The following KIRREL3 variants were observed in gnomAD, a reference collection of about 807,000 sequenced individuals.
KIRREL3 encodes the protein kirre like nephrin family adhesion molecule 3.
KIRREL3 carries 36 observed loss-of-function variants against 89.7 expected under a neutral mutation model. That is an observed-to-expected ratio of 0.40 (90% confidence interval 0.31 to 0.53). The LOEUF is 0.53. KIRREL3 is among the 20% of genes least tolerant of loss of function. KIRREL3 has a pLI of 0.49. For synonymous variants in KIRREL3, 445 were observed against 441.4 expected (o/e 1.01, Z -0.10); for missense variants, 864 against 1,056.6 (o/e 0.82, Z 2.53).
rs1555192191 is a variant in KIRREL3, at chr11:126,771,486, G to A, written c.56-208574C>T. On this transcript the variant is annotated intron_variant, in intron 1 of 16. Transcript: ENST00000525144. The surrounding 1 kb of genome is among the most constrained non-coding windows in gnomAD (Gnocchi z 4.4). ...TGATAATTTCTTTGCATCTTTTTTG[G>A]CTTTGCTGTACAGATTGGTGCAAAA... 6.6e-6 allele frequency among the ~76,000 whole-genome samples: 1 copy of A among 151,860 alleles called. No homozygotes were observed. The highest frequency in any genetic ancestry group is 6.6e-5 in the Admixed American group (1 of 15,250).
chr11:126,503,620 C>T (rs757859869), intron 4 of KIRREL3, among the ~76,000 whole-genome samples: 18 of 152,218 alleles, frequency 1.2e-4, no homozygotes, highest in South Asian at 8.3e-4. Context: ...TGATGGCCTC[C>T]GGCTGCAGTT....
At chr11:126,465,886 A>ATT (rs1956706718) in intron 5 of KIRREL3, among the ~76,000 whole-genome samples, 1 of 152,232 alleles carries the variant, frequency 6.6e-6, no homozygotes, top group Non-Finnish European at 1.5e-5. Context: ...AAGTGATAAT[A>ATT]AGAACAATTT....
rs1946603544 is a variant in KIRREL3, at chr11:126,906,769, AC to A, written c.55+93685del. Among the ~76,000 whole-genome samples, 1 of 152,186 alleles carries A rather than the reference AC, an allele frequency of 6.6e-6. No individual in the cohort carries two copies. The highest frequency in any genetic ancestry group is 1.5e-5 in the Non-Finnish European group (1 of 68,022). On this transcript the variant is annotated intron_variant, in intron 1 of 16. Coordinates refer to ENST00000525144, the MANE Select transcript of KIRREL3 (RefSeq NM_032531.4). The surrounding 1 kb of genome is among the most constrained non-coding windows in gnomAD (Gnocchi z 4.1). Reference sequence around the variant, plus strand: ...ATCCCCAGCACCTCCTCTGTAGCCCACAGTGCAAGGCTGCCTGTGGCTTCTT... The same window carrying A: ...ATCCCCAGCACCTCCTCTGTAGCCCAAGTGCAAGGCTGCCTGTGGCTTCTT...
At chr11:126,919,389 G>A (rs1226370068) in intron 1 of KIRREL3, among the ~76,000 whole-genome samples, 2 of 152,216 alleles carry the variant, frequency 1.3e-5, no homozygotes, top group African/African-American at 4.8e-5. Flanking sequence ...AAGTAGCATG[G>A]TTGGCTCAAC....
intron 2 of KIRREL3, among the ~76,000 whole-genome samples, chr11:126,559,620 A>G (rs1193157027): frequency 6.6e-6 from 1 of 151,686 alleles, no homozygotes; most frequent in Non-Finnish European, 1.5e-5. Flanking sequence ...TGACACATAC[A>G]CTGAGATGTA....
At position 126,636,908 on chromosome 11, in the gene KIRREL3, T is replaced by C. The variant is rs1944286971; in HGVS notation, c.56-73996A>G. Among the ~76,000 whole-genome samples, 1 of 152,174 alleles carries C rather than the reference T, an allele frequency of 6.6e-6. No homozygotes were observed. Among genetic ancestry groups the C allele is most frequent in the Non-Finnish European group, 1.5e-5 (1 of 68,026 alleles). ...CAATACAATGAAAGTAACACCTATA[T>C]CATGGCATTACTGGAAGATAAAAAG... is the stretch of plus-strand genomic sequence containing the variant. On this transcript the variant is annotated intron_variant, in intron 1 of 16. Transcript: ENST00000525144. The surrounding 1 kb of genome is among the most constrained non-coding windows in gnomAD (Gnocchi z 4.4).
At chr11:126,691,505 C>A (rs1036375283) in intron 1 of KIRREL3, among the ~76,000 whole-genome samples, 1 of 152,094 alleles carries the variant, frequency 6.6e-6, no homozygotes, top group Non-Finnish European at 1.5e-5. Flanking sequence ...GTTTTAGCAG[C>A]AGAATTCAAG....
chr11:126,452,111 A>G (rs1717694414), intron 7 of KIRREL3, among the ~76,000 whole-genome samples: 1 of 152,168 alleles, frequency 6.6e-6, no homozygotes, highest in South Asian at 2.1e-4. Context: ...CAGACAGAAC[A>G]CCTAGGCTGG....
rs12289204 is a variant in KIRREL3, at chr11:126,551,351, G to A, written c.133+11484C>T. 0.059 allele frequency among the ~76,000 whole-genome samples: 8,935 copies of A among 152,198 alleles called. 714 individuals carry two copies. The highest frequency in any genetic ancestry group is 0.18 in the African/African-American group (7,585 of 41,496). ...TCCTGCGATGGGGCAGGGGAAAGGA[G>A]GGCCGGAGAGAGATCCTGTTTCCCG... On this transcript the variant is annotated intron_variant, in intron 2 of 16. Transcript: ENST00000525144. This position sits in a 1 kb window ranked among gnomAD's most constrained non-coding sequence, Gnocchi z 4.9.
Position 126,833,758 on chromosome 11 carries a change from C to T in KIRREL3, c.55+166697G>A, listed in dbSNP as rs1389565496. 4.6e-5 allele frequency among the ~76,000 whole-genome samples: 7 copies of T among 152,304 alleles called. No homozygotes were observed. The South Asian group carries it at 6.2e-4, about 14-fold the overall frequency. On this transcript the variant is annotated intron_variant, in intron 1 of 16. Coordinates refer to ENST00000525144, the MANE Select transcript of KIRREL3 (RefSeq NM_032531.4). ...TGTTCAACAAATGCTGATTTCAAAT[C>T]ACACATTGCCCATCTTCCTGAGGGT... is the stretch of plus-strand genomic sequence containing the variant.
rs546358256 is a variant in KIRREL3, at chr11:126,566,704, G to A, written c.56-3792C>T. On this transcript the variant is annotated intron_variant, in intron 1 of 16. Transcript: ENST00000525144. The surrounding 1 kb of genome is among the most constrained non-coding windows in gnomAD (Gnocchi z 4.9). Reference sequence around the variant, plus strand: ...TGGGTTTTCTTCCATTTCAGAGGGTGCAGATGGGATGTTTTCTAGCCTTAG... The same window carrying A: ...TGGGTTTTCTTCCATTTCAGAGGGTACAGATGGGATGTTTTCTAGCCTTAG... Among the ~76,000 whole-genome samples, 50 of 152,348 alleles carry A rather than the reference G, an allele frequency of 3.3e-4. No homozygotes were observed. The highest frequency in any genetic ancestry group is 1.2e-3 in the African/African-American group (49 of 41,572).
At chr11:126,826,840 C>A (rs1457642640) in intron 1 of KIRREL3, among the ~76,000 whole-genome samples, 1 of 152,192 alleles carries the variant, frequency 6.6e-6, no homozygotes, top group Non-Finnish European at 1.5e-5. Flanking sequence ...TGCTCTCCCC[C>A]AAAACAAATG....
Position 126,437,007 on chromosome 11 carries a change from G to C in KIRREL3, c.1356C>G (p.Ala452=). 1 of 1,533,492 alleles carries C rather than the reference G, an allele frequency of 6.5e-7. No individual in the cohort carries two copies. The allele number at this position is 1,533,492 out of a possible 1,614,324, so 95.0% of individuals were successfully genotyped here. The change falls in exon 12 of 17, where the codon GCC becomes GCG. Residue 452 remains alanine, a splice_region_variant and synonymous_variant. Coordinates refer to ENST00000525144, the MANE Select transcript of KIRREL3 (RefSeq NM_032531.4). ...CCAGAACGTTCTCCTTCCAGGACCAGGCCTGCCCGGGGGCGCAGAATCAGG... is the reference window on the plus strand; with the variant it reads ...CCAGAACGTTCTCCTTCCAGGACCACGCCTGCCCGGGGGCGCAGAATCAGG... ...IRSTPPPDRI[A]WSWKENVLES...
At chr11:126,626,005 T>G (rs751416058) in intron 1 of KIRREL3, among the ~76,000 whole-genome samples, 1 of 152,244 alleles carries the variant, frequency 6.6e-6, no homozygotes, top group African/African-American at 2.4e-5. Context: ...TTTGTCCTCT[T>G]GTTGGCATGC....
Position 126,628,293 on chromosome 11 carries a change from G to T in KIRREL3, c.56-65381C>A, listed in dbSNP as rs1394703234. Among the ~76,000 whole-genome samples, 1 of 152,140 alleles carries T rather than the reference G, an allele frequency of 6.6e-6. No individual in the cohort carries two copies. The highest frequency in any genetic ancestry group is 1.9e-4 in the East Asian group (1 of 5,180). On this transcript the variant is annotated intron_variant, in intron 1 of 16. Transcript: ENST00000525144. This position sits in a 1 kb window ranked among gnomAD's most constrained non-coding sequence, Gnocchi z 5.2. ...CCTGGCCTCGCCTTCTCTGTGAGAA[G>T]GAAAATGAGAACATTCCGGAAGGAA...
chr11:126,447,956 GCTGCCTTGCTGCGGGTCC>G (rs1173646099), intron 8 of KIRREL3, among the ~76,000 whole-genome samples: 1 of 152,214 alleles, frequency 6.6e-6, no homozygotes, highest in Non-Finnish European at 1.5e-5. Context: ...ATGGCAGTGC[GCTGCCTTGCTGCGGGTCC>G]CTGCTGGACC....
Position 126,624,590 on chromosome 11 carries a change from C to T in KIRREL3, c.56-61678G>A, listed in dbSNP as rs777713817. Among the ~76,000 whole-genome samples the T allele has an allele frequency of 2.0e-4, 30 of 152,192 alleles. No individual in the cohort carries two copies. The highest frequency in any genetic ancestry group is 2.5e-4 in the Non-Finnish European group (17 of 68,038). On this transcript the variant is annotated intron_variant, in intron 1 of 16. Transcript: ENST00000525144. The surrounding 1 kb of genome is among the most constrained non-coding windows in gnomAD (Gnocchi z 6.0). ...ACACTCTACTGTGTTATTCACCTGA[C>T]GGATTAAGCTCAGCAGAGGCAAGCT...
chr11:126,518,271 G>A (rs956056821), intron 4 of KIRREL3, among the ~76,000 whole-genome samples: 2 of 152,360 alleles, frequency 1.3e-5, no homozygotes, highest in Non-Finnish European at 2.9e-5. Context: ...AGGGCCCAGC[G>A]GCTCTGCGAG....
intron 1 of KIRREL3, among the ~76,000 whole-genome samples, chr11:126,818,624 AGTGTGTGT>A (rs758712840): frequency 3.2e-4 from 18 of 56,710 alleles, no homozygotes; most frequent in Non-Finnish European, 4.8e-4. Context: ...TAGTAGTAGT[AGTGTGTGT>A]GTGTGTGTGT....
Sources: allele counts gnomAD v4.1 joint callset (sites outside exome capture counted in the v4.1 genomes callset), GRCh38; gene constraint gnomAD v4.1.1; non-coding constraint Gnocchi (gnomAD v3.1); transcripts MANE v1.5; gene names NCBI Gene and HGNC (gene_info 2026-07-23, HGNC 2026-07-21).